ACTR3C: variants seen among roughly 807,000 people sequenced by gnomAD.
ACTR3C encodes the protein actin-related protein 3C.
ACTR3C carries 18 observed loss-of-function variants against 26.3 expected under a neutral mutation model. The observed-to-expected ratio is 0.68, with a 90% CI of 0.47 to 1.01. ACTR3C has a LOEUF of 1.01. Ranked by LOEUF, ACTR3C falls within the 50% of genes least tolerant of loss-of-function variation. The pLI, the probability that ACTR3C is intolerant of heterozygous loss-of-function variation, is 0.00. For synonymous variants in ACTR3C, 55 were observed against 94.5 expected (o/e 0.58, Z 2.42); for missense variants, 184 against 250.7 (o/e 0.73, Z 1.80).
At chr7:149,926,909 T>C in the ACTR3C span, among the ~76,000 whole-genome samples, 22 of 151,976 alleles carry the variant, frequency 1.4e-4, no homozygotes, top group Admixed American at 1.2e-3. Context: ...AAGTGGGTTG[T>C]TAAAATATGA....
chr7:150,111,798 C>T, the ACTR3C span, among the ~76,000 whole-genome samples: 1 of 141,238 alleles, frequency 7.1e-6, no homozygotes, highest in African/African-American at 2.7e-5. Context: ...GGGAAAAGCT[C>T]ATGAAATCCC....
chr7:150,265,731 TC>T (rs1833990679), intron 6 of ACTR3C, among the ~76,000 whole-genome samples: 2 of 152,074 alleles, frequency 1.3e-5, no homozygotes, highest in Non-Finnish European at 2.9e-5. Flanking sequence ...AATTTCAAGC[TC>T]AGCAAAAGTG....
chr7:150,081,730 T>C, the ACTR3C span, among the ~76,000 whole-genome samples: 1 of 151,364 alleles, frequency 6.6e-6, no homozygotes, highest in African/African-American at 2.5e-5. Flanking sequence ...AGGGCTGTAC[T>C]TAAAACTTTG....
the ACTR3C span, among the ~76,000 whole-genome samples, chr7:150,191,635 G>T: frequency 1.3e-5 from 2 of 152,178 alleles, no homozygotes; most frequent in Admixed American, 1.3e-4. Context: ...TTGCCATGTA[G>T]AAAGTTATTT....
chr7:150,286,622 T>G lies in ACTR3C; in HGVS notation c.298-82A>C, dbSNP rs1192645697. 3 of 1,569,598 alleles carry G rather than the reference T, an allele frequency of 1.9e-6. No individual in the cohort carries two copies. The African/African-American group carries it at 4.1e-5, about 21-fold the overall frequency. On this transcript the variant is annotated intron_variant, in intron 4 of 7. Transcript: ENST00000683684. ...CTCAGACAAATAACCAGGAAGCCCA[T>G]GCAGTAAACACACCCTGGGATCAGA...
the ACTR3C span, among the ~76,000 whole-genome samples, chr7:149,915,519 T>TTTTTTTG: frequency 0.43 from 64,705 of 151,178 alleles, 17,054 homozygotes; most frequent in African/African-American, 0.75. Flanking sequence ...TCCATTTTGT[T>TTTTTTTG]TTTTTTGTTT....
chr7:150,273,100 C>G (rs1167066878), intron 6 of ACTR3C, among the ~76,000 whole-genome samples: 1 of 147,838 alleles, frequency 6.8e-6, no homozygotes, highest in Non-Finnish European at 1.5e-5. Context: ...AAATAAAATC[C>G]CTTTACTTAC....
the ACTR3C span, among the ~76,000 whole-genome samples, chr7:150,151,417 C>A: frequency 7.3e-6 from 1 of 137,210 alleles, no homozygotes; most frequent in South Asian, 2.9e-4. Context: ...ATAAAATGTG[C>A]AGAATAACAA....
At chr7:149,902,580 C>A in the ACTR3C span, among the ~76,000 whole-genome samples, 1 of 101,778 alleles carries the variant, frequency 9.8e-6, no homozygotes, top group Non-Finnish European at 2.1e-5. Flanking sequence ...ACAAGAGAGA[C>A]CCCCATCTCT....
At chr7:150,096,722 A>G in the ACTR3C span, among the ~76,000 whole-genome samples, 1 of 151,880 alleles carries the variant, frequency 6.6e-6, no homozygotes, top group Non-Finnish European at 1.5e-5. Context: ...GTCTGTGTAC[A>G]CTGCAGTTAC....
At chr7:150,133,417 A>AC in the ACTR3C span, among the ~76,000 whole-genome samples, 1 of 152,086 alleles carries the variant, frequency 6.6e-6, no homozygotes, top group Non-Finnish European at 1.5e-5. Context: ...CTCCTTGTTC[A>AC]TGCTCCGGCC....
At chr7:149,928,704 G>A in the ACTR3C span, among the ~76,000 whole-genome samples, 3 of 148,734 alleles carry the variant, frequency 2.0e-5, no homozygotes, top group Non-Finnish European at 2.9e-5. Context: ...ACAGCCATGC[G>A]TGGTGGTGTA....
At chr7:150,205,916 G>A in the ACTR3C span, among the ~76,000 whole-genome samples, 1 of 152,026 alleles carries the variant, frequency 6.6e-6, no homozygotes, top group African/African-American at 2.4e-5. Flanking sequence ...GTTTTATTTG[G>A]TGGTAATGGG....
At chr7:150,207,440 A>T in the ACTR3C span, among the ~76,000 whole-genome samples, 1 of 152,250 alleles carries the variant, frequency 6.6e-6, no homozygotes, top group Non-Finnish European at 1.5e-5. Context: ...AGTATTCAGC[A>T]TTGGATAAAT....
chr7:149,944,555 AT>A, the ACTR3C span, among the ~76,000 whole-genome samples: 1 of 150,314 alleles, frequency 6.7e-6, no homozygotes, highest in Non-Finnish European at 1.5e-5. Context: ...CTCCATCCTG[AT>A]GGTAACATGC....
At chr7:149,933,719 G>A in the ACTR3C span, among the ~76,000 whole-genome samples, 1 of 152,038 alleles carries the variant, frequency 6.6e-6, no homozygotes, top group African/African-American at 2.4e-5. Flanking sequence ...CATAAATTCT[G>A]GATGTCAAGT....
the ACTR3C span, among the ~76,000 whole-genome samples, chr7:149,955,517 C>A: frequency 2.0e-5 from 3 of 152,102 alleles, no homozygotes; most frequent in Non-Finnish European, 4.4e-5. Context: ...ACTGCCTCCA[C>A]CTGTGCAGTG....
At chr7:150,158,836 GCA>G in the ACTR3C span, among the ~76,000 whole-genome samples, 1 of 147,538 alleles carries the variant, frequency 6.8e-6, no homozygotes, top group Non-Finnish European at 1.5e-5. Context: ...GCACACACAG[GCA>G]CACACAGGCA....
the ACTR3C span, among the ~76,000 whole-genome samples, chr7:150,159,003 G>A: frequency 2.4e-4 from 34 of 144,274 alleles, 1 homozygote; most frequent in Non-Finnish European, 4.3e-4. Context: ...ACTCAGGCAC[G>A]CACATTCAGC....
Sources: allele counts gnomAD v4.1 joint callset (sites outside exome capture counted in the v4.1 genomes callset), GRCh38; gene constraint gnomAD v4.1.1; transcripts MANE v1.5; gene names NCBI Gene and HGNC (gene_info 2026-07-23, HGNC 2026-07-21).